PACRG: variants seen among roughly 807,000 people sequenced by gnomAD.
The protein encoded by PACRG is parkin coregulated.
Under a neutral mutation model 29.7 loss-of-function variants are expected in PACRG, and 29 were observed. That is an observed-to-expected ratio of 0.98 (90% confidence interval 0.73 to 1.33). The LOEUF (loss-of-function observed/expected upper bound fraction) is 1.33. Among genes scored for constraint, PACRG ranks in the 40% most tolerant of loss-of-function variants. PACRG has a pLI of 0.00. For synonymous variants in PACRG, 116 were observed against 118.7 expected (o/e 0.98, Z 0.15); for missense variants, 279 against 316.2 (o/e 0.88, Z 0.89).
chr6:162,813,734 T>G (rs1027482412), intron 1 of PACRG, among the ~76,000 whole-genome samples: 2 of 152,174 alleles, frequency 1.3e-5, no homozygotes, highest in Non-Finnish European at 1.5e-5. Context: ...ATTGAAATGT[T>G]TTAAATTACT....
In PACRG at chr6:163,173,405, C is replaced by T. The variant is rs530472759; in HGVS notation, c.613+83997C>T. 7.9e-5 allele frequency among the ~76,000 whole-genome samples: 12 copies of T among 152,242 alleles called. No homozygotes were observed. The East Asian group carries it at 1.9e-3, about 24-fold the overall frequency. On this transcript the variant is annotated intron_variant, in intron 4 of 4. Coordinates refer to ENST00000366888, the MANE Select transcript of PACRG (RefSeq NM_001080379.2). Reference sequence around the variant, plus strand: ...GTGGCTCCTTGGGGTAGAGACCTTCCACACCTGATCTCATCCCATCCAGGC... The same window carrying T: ...GTGGCTCCTTGGGGTAGAGACCTTCTACACCTGATCTCATCCCATCCAGGC...
At chr6:162,795,772 A>G (rs1288266258) in intron 1 of PACRG, among the ~76,000 whole-genome samples, 1 of 152,226 alleles carries the variant, frequency 6.6e-6, no homozygotes, top group Non-Finnish European at 1.5e-5. Flanking sequence ...TATACTTTAA[A>G]TCATATTTCA....
intron 4 of PACRG, among the ~76,000 whole-genome samples, chr6:163,174,949 ATGTT>A (rs1300473702): frequency 6.6e-6 from 1 of 152,314 alleles, no homozygotes; most frequent in East Asian, 1.9e-4. Context: ...GAAAGACAAA[ATGTT>A]TGTCCACAGT....
At chr6:162,778,795 C>T (rs1584324707) in intron 1 of PACRG, among the ~76,000 whole-genome samples, 1 of 152,262 alleles carries the variant, frequency 6.6e-6, no homozygotes, top group East Asian at 1.9e-4. Flanking sequence ...AACCCTCCAG[C>T]AAGCCTGGGC....
At chr6:163,150,363 G>A (rs1045795831) in intron 4 of PACRG, among the ~76,000 whole-genome samples, 16 of 152,124 alleles carry the variant, frequency 1.1e-4, no homozygotes, top group Admixed American at 3.3e-4. Context: ...ACACCAGGCC[G>A]CCCACTGGCT....
chr6:163,303,410 T>C (rs1785077259), intron 4 of PACRG, among the ~76,000 whole-genome samples: 1 of 152,242 alleles, frequency 6.6e-6, no homozygotes, highest in African/African-American at 2.4e-5. Context: ...AAACAGGTTG[T>C]ATCTGGCATC....
At chr6:162,922,788 T>C (rs895794660) in intron 2 of PACRG, among the ~76,000 whole-genome samples, 1 of 152,200 alleles carries the variant, frequency 6.6e-6, no homozygotes, top group African/African-American at 2.4e-5. Flanking sequence ...GCTGTGTATG[T>C]ACACCACATT....
chr6:162,789,426 A>G (rs1449745143), intron 1 of PACRG, among the ~76,000 whole-genome samples: 1 of 152,188 alleles, frequency 6.6e-6, no homozygotes, highest in Non-Finnish European at 1.5e-5. Flanking sequence ...GTATTTGAAC[A>G]TGCTTACTTT....
At chr6:163,229,573 T>G (rs74805664) in intron 4 of PACRG, among the ~76,000 whole-genome samples, 76 of 152,352 alleles carry the variant, frequency 5.0e-4, no homozygotes, top group Non-Finnish European at 8.7e-4. Context: ...AACCTGCACC[T>G]GAGCACAAAT....
At chr6:163,040,510 G>T (rs2128236528) in intron 2 of PACRG, among the ~76,000 whole-genome samples, 1 of 152,296 alleles carries the variant, frequency 6.6e-6, no homozygotes, top group African/African-American at 2.4e-5. Context: ...CTTGTGCCAT[G>T]TGCCTGGAAA....
chr6:163,036,669 A>T (rs797018812), intron 2 of PACRG, among the ~76,000 whole-genome samples: 22 of 152,332 alleles, frequency 1.4e-4, no homozygotes, highest in African/African-American at 5.0e-4. Context: ...ACACAAAATG[A>T]CTTGTTATCC....
At position 162,728,255 on chromosome 6, in the gene PACRG, C is replaced by A. The variant is rs752459560; in HGVS notation, c.20C>A (p.Thr7Asn). Residue 7 changes from threonine to asparagine, a missense_variant, in exon 1 of 5, where the codon ACC becomes AAC. By Grantham distance (65) the Thr-to-Asn change is moderately conservative. Transcript: ENST00000366888. MVAEKE[T>N]LSLNKCPDKM... is the part of the protein sequence containing the mutation. ...AGGAAGATGGTGGCAGAAAAAGAGA[C>A]CCTGAGCTTAAACAAATGCCCAGAC... 7.4e-6 allele frequency: 12 copies of A among 1,613,890 alleles called. No homozygotes were observed. In the South Asian group the frequency reaches 1.1e-4, roughly 15 times the overall value.
At chr6:162,742,937 A>C (rs919979142) in intron 1 of PACRG, among the ~76,000 whole-genome samples, 15 of 152,118 alleles carry the variant, frequency 9.9e-5, no homozygotes, top group African/African-American at 3.6e-4. Context: ...TAATTTTTTG[A>C]GGGACCTCCG....
chr6:162,920,110 G>A (rs1796965938), intron 2 of PACRG, among the ~76,000 whole-genome samples: 1 of 151,922 alleles, frequency 6.6e-6, no homozygotes, highest in Non-Finnish European at 1.5e-5. Context: ...CATAGAAGGT[G>A]TTCACTGTTA....
At chr6:163,220,275 C>G (rs1781529983) in intron 4 of PACRG, among the ~76,000 whole-genome samples, 1 of 152,184 alleles carries the variant, frequency 6.6e-6, no homozygotes, top group Non-Finnish European at 1.5e-5. Context: ...CTCATGCTCA[C>G]AAAGCCTCGT....
chr6:162,939,497 C>T (rs1023769248), intron 2 of PACRG, among the ~76,000 whole-genome samples: 4 of 152,156 alleles, frequency 2.6e-5, no homozygotes, highest in Non-Finnish European at 4.4e-5. Flanking sequence ...AAGATTATTT[C>T]AAGGGAGGGA....
At chr6:163,029,584 G>T (rs893269791) in intron 2 of PACRG, among the ~76,000 whole-genome samples, 2 of 152,220 alleles carry the variant, frequency 1.3e-5, no homozygotes, top group East Asian at 3.9e-4. Context: ...TTTCAACTCA[G>T]TGGTGGAAAG....
At chr6:163,200,523 A>G (rs867469340) in intron 4 of PACRG, among the ~76,000 whole-genome samples, 7 of 152,162 alleles carry the variant, frequency 4.6e-5, no homozygotes, top group African/African-American at 1.4e-4. Flanking sequence ...GTTCATGCAT[A>G]CTTTCCAAAC....
At position 163,095,393 on chromosome 6, in the gene PACRG, AG is replaced by A. The variant is rs1176074023; in HGVS notation, c.613+5988del. ...TATTCTGAGTTGTCTGTAACCTGGT[AG>A]GGCGATGTCTAAAGAAATCAGAATC... On this transcript the variant is annotated intron_variant, in intron 4 of 4. Transcript: ENST00000366888. The A allele has an allele frequency of 5.1e-6, 5 of 985,436 alleles. No individual in the cohort carries two copies. In the African/African-American group the frequency reaches 7.0e-5, roughly 14 times the overall value. 61.0% of individuals were successfully genotyped at this position (985,436 alleles called of 1,614,324 possible). A position where few individuals can be genotyped will look rare whatever the true frequency, so the allele number is the denominator to read the frequency against.
Sources: allele counts gnomAD v4.1 joint callset (sites outside exome capture counted in the v4.1 genomes callset), GRCh38; gene constraint gnomAD v4.1.1; transcripts MANE v1.5; gene names NCBI Gene and HGNC (gene_info 2026-07-23, HGNC 2026-07-21).